The following SCN2B variants were observed in gnomAD, a reference collection of about 807,000 sequenced individuals.
SCN2B encodes sodium channel regulatory subunit beta-2.
In SCN2B, 14 loss-of-function variants were observed where a neutral mutation model predicts 18.2. That is an observed-to-expected ratio of 0.77 (90% confidence interval 0.51 to 1.21). SCN2B has a LOEUF of 1.21. Ranked by LOEUF, SCN2B falls within the 50% of genes most tolerant of loss-of-function variation. SCN2B has a pLI of 0.00. For missense variants in SCN2B, 262 were observed against 286.9 expected, an observed-to-expected ratio of 0.91 and a Z score of 0.63; for synonymous variants, 115 against 115.3, an observed-to-expected ratio of 1.00 and a Z score of 0.02.
chr11:118,164,123 A>T lies in SCN2B; in HGVS notation c.*2764T>A, dbSNP rs1218187672. ...GACTCCAGGAATCTTGGGCTTCTTG[A>T]TGGAGAGTTAGAACTTCTTAGAATA... On this transcript the variant is annotated 3_prime_UTR_variant, in exon 4 of 4. Coordinates refer to ENST00000278947, the MANE Select transcript of SCN2B (RefSeq NM_004588.5). 1 of 152,186 alleles carries T rather than the reference A, an allele frequency of 6.6e-6. No homozygotes were observed. Among genetic ancestry groups the T allele is most frequent in the Non-Finnish European group, 1.5e-5 (1 of 68,054 alleles). 9.4% of individuals were successfully genotyped at this position (152,186 alleles called of 1,614,324 possible).
chr11:118,169,088 C>T lies in SCN2B; in HGVS notation c.71-337G>A, dbSNP rs544676955. 2.0e-5 allele frequency among the ~76,000 whole-genome samples: 3 copies of T among 152,268 alleles called. No individual in the cohort carries two copies. In the East Asian group the frequency reaches 5.8e-4, roughly 29 times the overall value. ...TCGTTCTTCCTGGCAGGGGCCCACT[C>T]AGCCTCCCCAGTCCATACTCCTGGA... is the stretch of plus-strand genomic sequence containing the variant. On this transcript the variant is annotated intron_variant, in intron 1 of 3. Coordinates refer to ENST00000278947, the MANE Select transcript of SCN2B (RefSeq NM_004588.5).
At chr11:118,174,926 A>C (rs979818551) in intron 1 of SCN2B, among the ~76,000 whole-genome samples, 1 of 152,100 alleles carries the variant, frequency 6.6e-6, no homozygotes, top group Non-Finnish European at 1.5e-5. Flanking sequence ...GACTCTGATC[A>C]ATTAGGTACT....
In SCN2B at chr11:118,168,134, A is replaced by AG. The variant is rs753374684; in HGVS notation, c.398dup (p.Asp134Ter). ...TCTTGCCATGGCCACGGTGGCGGTC[A>AG]GGGGGGTTCATGATGTAGCAGTTGT... On this transcript the variant is annotated frameshift_variant, in exon 3 of 4. Coordinates refer to ENST00000278947, the MANE Select transcript of SCN2B (RefSeq NM_004588.5). LOFTEE classifies it high-confidence loss of function. This position sits in a 1 kb window ranked among gnomAD's most constrained non-coding sequence, Gnocchi z 4.7. 2 of 1,614,160 alleles carry AG rather than the reference A, an allele frequency of 1.2e-6. No individual in the cohort carries two copies. The highest frequency in any genetic ancestry group is 1.7e-5 in the Admixed American group (1 of 60,024).
At position 118,166,779 on chromosome 11, in the gene SCN2B, T is replaced by A; in HGVS notation, c.*108A>T. 7.1e-7 allele frequency: 1 copy of A among 1,399,536 alleles called. No individual in the cohort carries two copies. The allele number at this position is 1,399,536 out of a possible 1,614,324, so 86.7% of individuals were successfully genotyped here. A position where few individuals can be genotyped will look rare whatever the true frequency, so the allele number is the denominator to read the frequency against. On this transcript the variant is annotated 3_prime_UTR_variant, in exon 4 of 4. Coordinates refer to ENST00000278947, the MANE Select transcript of SCN2B (RefSeq NM_004588.5). ...GGTTCAGGAGGCCCCAGGTGGGCCC[T>A]GGGGTCCTAGGTCACGGGAAGCACA... is the stretch of plus-strand genomic sequence containing the variant.
chr11:118,171,706 G>A (rs1005348400), intron 1 of SCN2B, among the ~76,000 whole-genome samples: 4 of 152,170 alleles, frequency 2.6e-5, no homozygotes, highest in South Asian at 4.1e-4. Context: ...TTTTCTGGCC[G>A]GCAGGACGGG....
At position 118,164,814 on chromosome 11, in the gene SCN2B, A is replaced by G. The variant is rs1393444018; in HGVS notation, c.*2073T>C. 14 of 152,758 alleles carry G rather than the reference A, an allele frequency of 9.2e-5. No individual in the cohort carries two copies. Among genetic ancestry groups the G allele is most frequent in the Admixed American group, 6.5e-4 (10 of 15,296 alleles). 9.5% of individuals were successfully genotyped at this position (152,758 alleles called of 1,614,324 possible). On this transcript the variant is annotated 3_prime_UTR_variant, in exon 4 of 4. Transcript: ENST00000278947. The stretch of plus-strand genomic sequence containing the variant: ...CTGGCACATAATAGATGCTCAATAA[A>G]TGGTTGCTGAATTGAAGCAAATTAA...
rs1206476130 is a variant in SCN2B, at chr11:118,163,417, C to T, written c.*3470G>A. 6.6e-6 allele frequency: 1 copy of T among 152,652 alleles called. No homozygotes were observed. The highest frequency in any genetic ancestry group is 1.5e-5 in the Non-Finnish European group (1 of 68,062). 9.5% of individuals were successfully genotyped at this position (152,652 alleles called of 1,614,324 possible). On this transcript the variant is annotated 3_prime_UTR_variant, in exon 4 of 4. Coordinates refer to ENST00000278947, the MANE Select transcript of SCN2B (RefSeq NM_004588.5). ...TTGCAAATATTTACCAGCCCAACCT[C>T]CCCAAGGAGACTCGCAGAGAGAAAC... is the stretch of plus-strand genomic sequence containing the variant.
chr11:118,169,524 T>TCCCAG (rs762601737), intron 1 of SCN2B, among the ~76,000 whole-genome samples: 4 of 152,020 alleles, frequency 2.6e-5, no homozygotes, highest in African/African-American at 7.2e-5. Flanking sequence ...CAAAGCTGTG[T>TCCCAG]CCCAGCCCAG....
intron 1 of SCN2B, among the ~76,000 whole-genome samples, chr11:118,174,459 C>T (rs1017765197): frequency 7.2e-5 from 11 of 152,100 alleles, no homozygotes; most frequent in Admixed American, 5.9e-4. Flanking sequence ...AGCCCAGCCC[C>T]GACAGAGTCC....
Position 118,166,655 on chromosome 11 carries a change from C to T in SCN2B, c.*232G>A. ...GGACTGGCAGGTGGGAGCCCTTTCTCTCCTCTCCCCAGGGCCCACACGTCC... is the reference window on the plus strand; with the variant it reads ...GGACTGGCAGGTGGGAGCCCTTTCTTTCCTCTCCCCAGGGCCCACACGTCC... On this transcript the variant is annotated 3_prime_UTR_variant, in exon 4 of 4. Coordinates refer to ENST00000278947, the MANE Select transcript of SCN2B (RefSeq NM_004588.5). 5.2e-6 allele frequency: 3 copies of T among 581,132 alleles called. No individual in the cohort carries two copies. The highest frequency in any genetic ancestry group is 6.1e-6 in the Non-Finnish European group (2 of 325,256). The allele number at this position is 581,132 out of a possible 1,614,324, so 36.0% of individuals were successfully genotyped here. A position where few individuals can be genotyped will look rare whatever the true frequency, so the allele number is the denominator to read the frequency against.
Position 118,166,888 on chromosome 11 carries a change from T to C in SCN2B, c.647A>G (p.Ter216TrpextTer32). 6.2e-7 allele frequency: 1 copy of C among 1,613,912 alleles called. No individual in the cohort carries two copies. The highest frequency in any genetic ancestry group is 1.3e-5 in the African/African-American group (1 of 75,002). The change falls in exon 4 of 4, where the codon TAG becomes TGG. Residue 216 changes from the stop codon to tryptophan (W), a stop_lost. Transcript: ENST00000278947. ...GGAGGCTGCAGGGCCGGCCACCCAC[T>C]ACTTGGCGCCATCATCCGGGTTGCC... ...GEGNPDDGAK[*>W]
chr11:118,176,406 C>T lies in SCN2B; in HGVS notation c.26G>A (p.Arg9His), dbSNP rs1346537909. MHRDAWLP[R>H]PAFSLTGLSL... ...GAGCCCCGTGAGGCTGAAGGCAGGGCGAGGTAGCCAGGCATCTCTGTGCAT... is the reference window on the plus strand; with the variant it reads ...GAGCCCCGTGAGGCTGAAGGCAGGGTGAGGTAGCCAGGCATCTCTGTGCAT... Residue 9 changes from arginine to histidine, a missense_variant, in exon 1 of 4, where the codon CGC becomes CAC. Physicochemically the swap from Arg to His is conservative, Grantham distance 29. Transcript: ENST00000278947. The T allele has an allele frequency of 3.7e-6, 6 of 1,613,898 alleles. No individual in the cohort carries two copies. Among genetic ancestry groups the T allele is most frequent in the Non-Finnish European group, 5.1e-6 (6 of 1,179,996 alleles).
At chr11:118,174,105 T>TTTTTTG (rs1948451060) in intron 1 of SCN2B, among the ~76,000 whole-genome samples, 4 of 128,658 alleles carry the variant, frequency 3.1e-5, no homozygotes, top group African/African-American at 1.3e-4. Flanking sequence ...TTTTTTTTTT[T>TTTTTTG]TTTTTTTTTT....
At position 118,166,877 on chromosome 11, in the gene SCN2B, C is replaced by G. The variant is rs749428739; in HGVS notation, c.*10G>C. ...GACGGGACACGGGAGGCTGCAGGGC[C>G]GGCCACCCACTACTTGGCGCCATCA... On this transcript the variant is annotated 3_prime_UTR_variant, in exon 4 of 4. Coordinates refer to ENST00000278947, the MANE Select transcript of SCN2B (RefSeq NM_004588.5). 5.0e-6 allele frequency: 8 copies of G among 1,613,556 alleles called. No homozygotes were observed. Among genetic ancestry groups the G allele is most frequent in the African/African-American group, 1.3e-5 (1 of 74,890 alleles).
chr11:118,169,508 A>G (rs2135518800), intron 1 of SCN2B, among the ~76,000 whole-genome samples: 1 of 152,298 alleles, frequency 6.6e-6, no homozygotes, highest in East Asian at 1.9e-4. Context: ...TACCCCAGGG[A>G]CAGAGCAAAG....
chr11:118,166,753 G>A lies in SCN2B; in HGVS notation c.*134C>T. 1 of 974,412 alleles carries A rather than the reference G, an allele frequency of 1.0e-6. No homozygotes were observed. Among genetic ancestry groups the A allele is most frequent in the Non-Finnish European group, 1.6e-6 (1 of 625,834 alleles). The allele number at this position is 974,412 out of a possible 1,614,324, so 60.4% of individuals were successfully genotyped here. ...TGCAGGGTGGGAGATACGAAGTCGGGGGTTCAGGAGGCCCCAGGTGGGCCC... is the reference window on the plus strand; with the variant it reads ...TGCAGGGTGGGAGATACGAAGTCGGAGGTTCAGGAGGCCCCAGGTGGGCCC... On this transcript the variant is annotated 3_prime_UTR_variant, in exon 4 of 4. Transcript: ENST00000278947.
chr11:118,170,151 CAG>C (rs1456615842), intron 1 of SCN2B, among the ~76,000 whole-genome samples: 1 of 152,164 alleles, frequency 6.6e-6, no homozygotes, highest in African/African-American at 2.4e-5. Context: ...ACAGGACAGG[CAG>C]AGTCACTGCA....
chr11:118,163,029 G>C lies in SCN2B; in HGVS notation c.*3858C>G, dbSNP rs955417262. ...GTTTTCCCCTCCAAGTGCACAAAGC[G>C]CAAGAACATTCCAAAATTTGCCTTT... On this transcript the variant is annotated 3_prime_UTR_variant, in exon 4 of 4. Transcript: ENST00000278947. 1 of 152,508 alleles carries C rather than the reference G, an allele frequency of 6.6e-6. No individual in the cohort carries two copies. The highest frequency in any genetic ancestry group is 1.5e-5 in the Non-Finnish European group (1 of 68,042). The allele number at this position is 152,508 out of a possible 1,614,324, so 9.4% of individuals were successfully genotyped here.
At chr11:118,174,362 T>A (rs1565464977) in intron 1 of SCN2B, among the ~76,000 whole-genome samples, 1 of 152,144 alleles carries the variant, frequency 6.6e-6, no homozygotes, top group African/African-American at 2.4e-5. Flanking sequence ...TGTTTCTGGC[T>A]AAAACTAGCC....
Sources: allele counts gnomAD v4.1 joint callset (sites outside exome capture counted in the v4.1 genomes callset), GRCh38; gene constraint gnomAD v4.1.1; non-coding constraint Gnocchi (gnomAD v3.1); transcripts MANE v1.5; gene names NCBI Gene and HGNC (gene_info 2026-07-23, HGNC 2026-07-21).